EDIL3: variants seen among roughly 807,000 people sequenced by gnomAD.
EDIL3 encodes the protein EGF like and discoidin domains 3.
Under a neutral mutation model 67.4 loss-of-function variants are expected in EDIL3, and 37 were observed. The ratio of observed to expected loss-of-function variants is 0.55; its 90% CI spans 0.42 to 0.72. The LOEUF (loss-of-function observed/expected upper bound fraction) is 0.72. Among genes scored for constraint, EDIL3 ranks in the 30% least tolerant of loss-of-function variants. The probability of loss-of-function intolerance (pLI) is 0.00; values close to 1 mark genes in which losing one functional copy is unlikely to be tolerated. For missense variants in EDIL3, 527 were observed against 586.3 expected, an observed-to-expected ratio of 0.90 and a Z score of 1.04; for synonymous variants, 195 against 196.3, an observed-to-expected ratio of 0.99 and a Z score of 0.05.
At chr5:84,383,170 C>A (rs894707151) in intron 1 of EDIL3, among the ~76,000 whole-genome samples, 8 of 152,228 alleles carry the variant, frequency 5.3e-5, no homozygotes, top group Non-Finnish European at 1.2e-4. Context: ...AAGCTGCCTG[C>A]AGAGGATTCT....
chr5:84,293,605 G>A (rs754260498), intron 1 of EDIL3, among the ~76,000 whole-genome samples: 14 of 151,952 alleles, frequency 9.2e-5, no homozygotes, highest in Non-Finnish European at 1.8e-4. Context: ...ATTAAAGCTG[G>A]CAAATCTACA....
chr5:84,333,734 C>T (rs915996681), intron 1 of EDIL3, among the ~76,000 whole-genome samples: 1 of 152,088 alleles, frequency 6.6e-6, no homozygotes. Context: ...CCTACTATAG[C>T]ATACTTAATA....
intron 1 of EDIL3, among the ~76,000 whole-genome samples, chr5:84,261,023 C>G (rs1030080305): frequency 5.3e-4 from 80 of 152,272 alleles, no homozygotes; most frequent in African/African-American, 1.9e-3. Flanking sequence ...GCATTACAAC[C>G]TCATCTTCAA....
At chr5:84,334,985 A>G (rs886125669) in intron 1 of EDIL3, among the ~76,000 whole-genome samples, 17 of 152,106 alleles carry the variant, frequency 1.1e-4, no homozygotes, top group African/African-American at 4.1e-4. Context: ...ATTTTTTTTA[A>G]AAGAATCCCA....
intron 1 of EDIL3, among the ~76,000 whole-genome samples, chr5:84,348,966 TA>T (rs2112186378): frequency 6.6e-6 from 1 of 152,334 alleles, no homozygotes; most frequent in East Asian, 1.9e-4. Flanking sequence ...TTAATAAACA[TA>T]ATTCCTACTT....
At chr5:83,987,879 A>ATATATATATATATG (rs1452279296) in intron 9 of EDIL3, among the ~76,000 whole-genome samples, 4 of 149,120 alleles carry the variant, frequency 2.7e-5, no homozygotes, top group African/African-American at 9.9e-5. Context: ...GTATATATAT[A>ATATATATATATATG]TATATATATA....
At chr5:84,303,862 G>C (rs1472169176) in intron 1 of EDIL3, among the ~76,000 whole-genome samples, 1 of 150,110 alleles carries the variant, frequency 6.7e-6, no homozygotes, top group Non-Finnish European at 1.5e-5. Context: ...GTGTGTGTGT[G>C]TGTGTGCATG....
At chr5:84,094,483 A>C (rs1747225385) in intron 6 of EDIL3, among the ~76,000 whole-genome samples, 1 of 152,176 alleles carries the variant, frequency 6.6e-6, no homozygotes, top group Admixed American at 6.5e-5. Flanking sequence ...TATGTAATTC[A>C]GCTTCTGTAA....
intron 2 of EDIL3, among the ~76,000 whole-genome samples, chr5:84,241,281 A>G (rs1278473774): frequency 6.6e-6 from 1 of 152,196 alleles, no homozygotes; most frequent in Admixed American, 6.5e-5. Context: ...GAAGATCCTA[A>G]TGTTCTTTTT....
chr5:84,035,876 C>T (rs1226394314), intron 9 of EDIL3, among the ~76,000 whole-genome samples: 1 of 152,176 alleles, frequency 6.6e-6, no homozygotes, highest in African/African-American at 2.4e-5. Context: ...CCAGTATACA[C>T]ATTTTAATTT....
chr5:84,058,590 G>A lies in EDIL3; in HGVS notation c.1137+1710C>T, dbSNP rs1746489597. Among the ~76,000 whole-genome samples, 3 of 152,138 alleles carry A rather than the reference G, an allele frequency of 2.0e-5. No individual in the cohort carries two copies. In the South Asian group the frequency reaches 6.2e-4, roughly 31 times the overall value. On this transcript the variant is annotated intron_variant, in intron 9 of 10. Coordinates refer to ENST00000296591, the MANE Select transcript of EDIL3 (RefSeq NM_005711.5). ...ATACTTGCTAAATCAGTTAATGTTA[G>A]TGTGTGGAGCTGGTGAAAGAGATGT...
intron 1 of EDIL3, among the ~76,000 whole-genome samples, chr5:84,369,514 G>T (rs566786981): frequency 6.6e-6 from 1 of 152,106 alleles, no homozygotes; most frequent in Admixed American, 6.6e-5. Context: ...TTTACATGAG[G>T]TACTTAGAGA....
At chr5:84,204,437 A>T (rs925081001) in intron 3 of EDIL3, among the ~76,000 whole-genome samples, 1 of 152,228 alleles carries the variant, frequency 6.6e-6, no homozygotes, top group African/African-American at 2.4e-5. Flanking sequence ...TGCCATCAAG[A>T]TAATTAACAT....
chr5:84,076,388 T>C (rs1384437149), intron 6 of EDIL3, among the ~76,000 whole-genome samples: 1 of 152,226 alleles, frequency 6.6e-6, no homozygotes. Context: ...TGTTAAATTT[T>C]AGATGCTTTG....
At chr5:84,059,966 A>ATGCTT in intron 9 of EDIL3, among the ~76,000 whole-genome samples, 1 of 152,186 alleles carries the variant, frequency 6.6e-6, no homozygotes, top group Non-Finnish European at 1.5e-5. Flanking sequence ...TCTTGCTGTC[A>ATGCTT]TGCTTTCAAA....
chr5:84,250,136 C>T (rs1023842535), intron 2 of EDIL3, among the ~76,000 whole-genome samples: 3 of 152,214 alleles, frequency 2.0e-5, no homozygotes. Context: ...TGTGCAAACA[C>T]TGGTTAATCT....
rs1561440688 is a variant in EDIL3 at position 84,132,417 on chromosome 5, T to TTATATATTTTATATATAA, written c.469+4806_469+4823dup. The stretch of plus-strand genomic sequence containing the variant: ...TATATAATATATATTTTAACATATA[T>TTATATATTTTATATATAA]TATATATTTTATATATAATATATAT... On this transcript the variant is annotated intron_variant, in intron 5 of 10. Coordinates refer to ENST00000296591, the MANE Select transcript of EDIL3 (RefSeq NM_005711.5). 2.1e-3 allele frequency among the ~76,000 whole-genome samples: 240 copies of TTATATATTTTATATATAA among 116,160 alleles called. 1 individual carries two copies. The highest frequency in any genetic ancestry group is 3.1e-3 in the Non-Finnish European group (193 of 61,492). 76.2% of individuals were successfully genotyped at this position (116,160 alleles called of 152,430 possible).
chr5:84,182,313 A>G (rs1471024720), intron 3 of EDIL3, among the ~76,000 whole-genome samples: 1 of 151,156 alleles, frequency 6.6e-6, no homozygotes, highest in African/African-American at 2.4e-5. Context: ...ACACAAATCC[A>G]GGCATGCTGG....
At position 84,329,967 on chromosome 5, in the gene EDIL3, T is replaced by A. The variant is rs537790297; in HGVS notation, c.67+54341A>T. Among the ~76,000 whole-genome samples, 109 of 152,212 alleles carry A rather than the reference T, an allele frequency of 7.2e-4. 1 individual carries two copies. The Middle Eastern group carries it at 0.017, about 24-fold the overall frequency. ...CTCAGATTTGCAGGAGAAATTCCAC[T>A]TCAGAAAGCACCAAATTACCATCAC... On this transcript the variant is annotated intron_variant, in intron 1 of 10. Transcript: ENST00000296591.
Sources: allele counts gnomAD v4.1 joint callset (sites outside exome capture counted in the v4.1 genomes callset), GRCh38; gene constraint gnomAD v4.1.1; transcripts MANE v1.5; gene names NCBI Gene and HGNC (gene_info 2026-07-23, HGNC 2026-07-21).